The following LCN15 variants were observed in gnomAD, a reference collection of about 807,000 sequenced individuals.
LCN15 encodes lipocalin-15.
LCN15 carries 26 observed loss-of-function variants against 23.1 expected under a neutral mutation model. That is an observed-to-expected ratio of 1.13 (90% CI 0.82 to 1.56). The LOEUF is 1.56. Among genes scored for constraint, LCN15 ranks in the 40% most tolerant of loss-of-function variants. The pLI is 0.00. For missense variants in LCN15, 241 were observed against 239.5 expected (o/e 1.01, Z -0.04); for synonymous variants, 107 against 98.3 (o/e 1.09, Z -0.52).
Position 136,761,874 on chromosome 9 carries a change from G to C in LCN15, c.521-21C>G. On this transcript the variant is annotated intron_variant, in intron 5 of 6. Transcript: ENST00000316144. This position sits in a 1 kb window ranked among gnomAD's most constrained non-coding sequence, Gnocchi z 4.2. ...TGCATCTGTGGGGAGGAAGACATCCGTGAGATGCTGACGGCCAGGACCGCC... is the reference window on the plus strand; with the variant it reads ...TGCATCTGTGGGGAGGAAGACATCCCTGAGATGCTGACGGCCAGGACCGCC... 7.5e-7 allele frequency: 1 copy of C among 1,335,900 alleles called. No individual in the cohort carries two copies. The allele number at this position is 1,335,900 out of a possible 1,614,324, so 82.8% of individuals were successfully genotyped here. A position where few individuals can be genotyped will look rare whatever the true frequency, so the allele number is the denominator to read the frequency against.
rs1847320205 is a variant in LCN15, at chr9:136,761,799, G to A, written c.*20C>T. On this transcript the variant is annotated 3_prime_UTR_variant, in exon 6 of 7. Coordinates refer to ENST00000316144, the MANE Select transcript of LCN15 (RefSeq NM_203347.2). This position sits in a 1 kb window ranked among gnomAD's most constrained non-coding sequence, Gnocchi z 4.2. ...CTGGAGAACCCACCTGGGAAGGGCG[G>A]GGGTGGGGCTCCGGAGGTGTCAGGG... 5 of 1,281,768 alleles carry A rather than the reference G, an allele frequency of 3.9e-6. No homozygotes were observed. The highest frequency in any genetic ancestry group is 4.9e-6 in the Non-Finnish European group (5 of 1,013,356). 79.4% of individuals were successfully genotyped at this position (1,281,768 alleles called of 1,614,324 possible). A position where few individuals can be genotyped will look rare whatever the true frequency, so the allele number is the denominator to read the frequency against.
chr9:136,763,422 G>C lies in LCN15; in HGVS notation c.353C>G (p.Ser118Cys), dbSNP rs11145871. 909 of 1,610,138 alleles carry C rather than the reference G, an allele frequency of 5.6e-4. 8 individuals are homozygous for C. In the African/African-American group the frequency reaches 0.011, roughly 19 times the overall value. Residue 118 changes from serine (S) to cysteine (C), a missense_variant, in exon 4 of 7, where the codon TCC becomes TGC. Physicochemically the swap from Ser to Cys is moderately radical, Grantham distance 112. Transcript: ENST00000316144. ...CTTGTAGATGTAAAGGACGGCGAAGGAGCTGTAGTCTGTGTCCACGATGCG... is the reference window on the plus strand; with the variant it reads ...CTTGTAGATGTAAAGGACGGCGAAGCAGCTGTAGTCTGTGTCCACGATGCG... ...DVRIVDTDYS[S>C]FAVLYIYKEL...
Position 136,764,416 on chromosome 9 carries a change from G to A in LCN15, c.73C>T (p.Gln25Ter). Residue 25 changes from glutamine to a stop codon, truncating the protein, a stop_gained, in exon 1 of 7, where the codon CAG becomes TAG. Coordinates refer to ENST00000316144, the MANE Select transcript of LCN15 (RefSeq NM_203347.2). LOFTEE classifies it high-confidence loss of function. ...APTAQAEVLL[Q>*]PDFNAEKFSG... ...ACCTTTTCAGCATTGAAGTCAGGCT[G>A]CAGCAGAACCTCAGCCTGAGCCGTG... 1 of 1,613,324 alleles carries A rather than the reference G, an allele frequency of 6.2e-7. No individual in the cohort carries two copies. The highest frequency in any genetic ancestry group is 8.5e-7 in the Non-Finnish European group (1 of 1,179,740).
chr9:136,759,937 ACACCAGCTAC>A (rs1488674388), intron 6 of LCN15, among the ~76,000 whole-genome samples, 154 bp from the exon 7 acceptor site: 3 of 120,486 alleles, frequency 2.5e-5, no homozygotes. Context: ...CTGGAAACAC[ACACCAGCTAC>A]CACTGCTGCC....
Position 136,763,993 on chromosome 9 carries a change from T to C in LCN15, c.113A>G (p.Tyr38Cys). 6.2e-7 allele frequency: 1 copy of C among 1,613,194 alleles called. No homozygotes were observed. Among genetic ancestry groups the C allele is most frequent in the Non-Finnish European group, 8.5e-7 (1 of 1,179,932 alleles). The change falls in exon 2 of 7, where the codon TAC becomes TGC. Residue 38 changes from tyrosine to cysteine, a missense_variant. Physicochemically the swap from Tyr to Cys is radical, Grantham distance 194. Coordinates refer to ENST00000316144, the MANE Select transcript of LCN15 (RefSeq NM_203347.2). ...FNAEKFSGLWYVVSMASDCRV... is the reference protein window; with the variant it reads ...FNAEKFSGLWCVVSMASDCRV... Reference sequence around the variant, plus strand: ...GCAGTCAGATGCCATGGAGACCACGTACCAGAGGCCTGAGAACTGCCGGGG... The same window carrying C: ...GCAGTCAGATGCCATGGAGACCACGCACCAGAGGCCTGAGAACTGCCGGGG...
chr9:136,764,176 A>C, intron 1 of LCN15, 167 bp from the exon 2 acceptor site: 1 of 871,204 alleles, frequency 1.1e-6, no homozygotes, highest in Non-Finnish European at 1.8e-6. Flanking sequence ...TGGGTAGGTC[A>C]CAGTGCAACT....
In LCN15 at chr9:136,764,014, C is replaced by A; in HGVS notation, c.97-5G>T. Reference sequence around the variant, plus strand: ...CACGTACCAGAGGCCTGAGAACTGCCGGGGGCTTAGTCACCCGCAGGCCAG... The same window carrying A: ...CACGTACCAGAGGCCTGAGAACTGCAGGGGGCTTAGTCACCCGCAGGCCAG... On this transcript the variant is annotated splice_polypyrimidine_tract_variant and splice_region_variant and intron_variant, in intron 1 of 6. Coordinates refer to ENST00000316144, the MANE Select transcript of LCN15 (RefSeq NM_203347.2). The A allele has an allele frequency of 6.2e-7, 1 of 1,612,014 alleles. No individual in the cohort carries two copies. The highest frequency in any genetic ancestry group is 8.5e-7 in the Non-Finnish European group (1 of 1,179,452).
In LCN15 at chr9:136,763,796, A is replaced by T; in HGVS notation, c.237-13T>A. On this transcript the variant is annotated splice_polypyrimidine_tract_variant and intron_variant, in intron 2 of 6. Coordinates refer to ENST00000316144, the MANE Select transcript of LCN15 (RefSeq NM_203347.2). Reference sequence around the variant, plus strand: ...ACAGCCGTCCGCCCTGGGGGTGCACAGCCGGCTCACTCATGGCACCCAGCT... The same window carrying T: ...ACAGCCGTCCGCCCTGGGGGTGCACTGCCGGCTCACTCATGGCACCCAGCT... The T allele has an allele frequency of 6.2e-7, 1 of 1,613,404 alleles. No individual in the cohort carries two copies. Among genetic ancestry groups the T allele is most frequent in the Non-Finnish European group, 8.5e-7 (1 of 1,179,968 alleles).
At position 136,761,723 on chromosome 9, in the gene LCN15, G is replaced by T; in HGVS notation, c.*32+64C>A. On this transcript the variant is annotated intron_variant, in intron 6 of 6. Coordinates refer to ENST00000316144, the MANE Select transcript of LCN15 (RefSeq NM_203347.2). The surrounding 1 kb of genome is among the most constrained non-coding windows in gnomAD (Gnocchi z 4.2). Reference sequence around the variant, plus strand: ...AGGCATGGGGCAGACAGAACCAGATGTCAAGCTGCGATAGGGAGGGGAGAG... The same window carrying T: ...AGGCATGGGGCAGACAGAACCAGATTTCAAGCTGCGATAGGGAGGGGAGAG... The T allele has an allele frequency of 1.3e-6, 1 of 772,344 alleles. No homozygotes were observed. Among genetic ancestry groups the T allele is most frequent in the Non-Finnish European group, 1.8e-6 (1 of 563,284 alleles). The allele number at this position is 772,344 out of a possible 1,614,324, so 47.8% of individuals were successfully genotyped here.
At position 136,761,996 on chromosome 9, in the gene LCN15, G is replaced by C; in HGVS notation, c.521-143C>G. 2.5e-6 allele frequency: 2 copies of C among 800,098 alleles called. No individual in the cohort carries two copies. The highest frequency in any genetic ancestry group is 4.5e-5 in the South Asian group (2 of 44,936). 49.6% of individuals were successfully genotyped at this position (800,098 alleles called of 1,614,324 possible). On this transcript the variant is annotated intron_variant, in intron 5 of 6. Transcript: ENST00000316144. The surrounding 1 kb of genome is among the most constrained non-coding windows in gnomAD (Gnocchi z 4.2). ...AGCCCAGAGCTTCCCTCCCAGCGCT[G>C]CCCAAAGCCTCTCCCGTAGTCTGTT...
In LCN15 at chr9:136,764,471, G is replaced by T; in HGVS notation, c.18C>A (p.Leu6=). The T allele has an allele frequency of 6.2e-7, 1 of 1,612,768 alleles. No homozygotes were observed. Among genetic ancestry groups the T allele is most frequent in the Non-Finnish European group, 8.5e-7 (1 of 1,179,634 alleles). The change falls in exon 1 of 7, where the codon CTC becomes CTA. Residue 6 remains leucine, a synonymous_variant. Transcript: ENST00000316144. ...CCCAGAGCAGGGTCAGGATTGCGCC[G>T]AGCAGGAATGACATCATCCCCTCCC... MMSFL[L]GAILTLLWAP...
intron 4 of LCN15, 34 bp downstream of exon 4, chr9:136,763,323 G>T: frequency 8.1e-7 from 1 of 1,230,844 alleles, no homozygotes. Flanking sequence ...AAGTTGGGGA[G>T]GGGCCAGTGC....
chr9:136,764,282 T>C, intron 1 of LCN15, 111 bp downstream of exon 1: 1 of 1,111,344 alleles, frequency 9.0e-7, no homozygotes, highest in Non-Finnish European at 1.3e-6. Context: ...AGCACGTGCC[T>C]GGCCGGGCAC....
chr9:136,764,382 G>GC lies in LCN15; in HGVS notation c.96+10dup, dbSNP rs758623051. 1.2e-5 allele frequency: 19 copies of GC among 1,610,432 alleles called. No homozygotes were observed. In the South Asian group the frequency reaches 1.9e-4, roughly 16 times the overall value. The stretch of plus-strand genomic sequence containing the variant: ...TCCCACCCACCACAGGACAGCAGAG[G>GC]CCCCTGGTACCTTTTCAGCATTGAA... On this transcript the variant is annotated intron_variant, in intron 1 of 6. Coordinates refer to ENST00000316144, the MANE Select transcript of LCN15 (RefSeq NM_203347.2).
chr9:136,762,745 CA>C (rs1314574838), intron 4 of LCN15, among the ~76,000 whole-genome samples: 1 of 151,972 alleles, frequency 6.6e-6, no homozygotes, highest in South Asian at 2.1e-4. Context: ...ACTAAAAATA[CA>C]AAAAATTATT....
intron 1 of LCN15, 49 bp downstream of exon 1, chr9:136,764,344 G>T (rs1847355911): frequency 1.3e-6 from 2 of 1,533,256 alleles, no homozygotes; most frequent in Non-Finnish European, 1.8e-6. Flanking sequence ...GTTGTCTCTG[G>T]CAGGGGCCCA....
At position 136,762,235 on chromosome 9, in the gene LCN15, G is replaced by T; in HGVS notation, c.473C>A (p.Pro158Gln). Reference protein sequence around the residue: ...QALKSFQDFYPTLGLPKDMMV... With the variant: ...QALKSFQDFYQTLGLPKDMMV... ...CATGTCCTTGGGGAGCCCCAGGGTCGGGTAGAAGTCCTGGAAGGACTTCAG... is the reference window on the plus strand; with the variant it reads ...CATGTCCTTGGGGAGCCCCAGGGTCTGGTAGAAGTCCTGGAAGGACTTCAG... The change falls in exon 5 of 7, where the codon CCG becomes CAG. Residue 158 changes from proline to glutamine, a missense_variant. Physicochemically the swap from Pro to Gln is moderately conservative, Grantham distance 76. Coordinates refer to ENST00000316144, the MANE Select transcript of LCN15 (RefSeq NM_203347.2). 3 of 1,601,452 alleles carry T rather than the reference G, an allele frequency of 1.9e-6. No homozygotes were observed. Among genetic ancestry groups the T allele is most frequent in the Non-Finnish European group, 2.6e-6 (3 of 1,174,600 alleles).
chr9:136,763,635 C>T (rs991445954), intron 3 of LCN15, 78 bp downstream of exon 3: 33 of 1,516,448 alleles, frequency 2.2e-5, no homozygotes, highest in African/African-American at 2.7e-5. Flanking sequence ...AGCTTGGGCC[C>T]GGGTGGAAAG....
Position 136,761,935 on chromosome 9 carries a change from G to T in LCN15, c.521-82C>A. 1 of 1,143,192 alleles carries T rather than the reference G, an allele frequency of 8.7e-7. No homozygotes were observed. The highest frequency in any genetic ancestry group is 1.1e-6 in the Non-Finnish European group (1 of 870,166). 70.8% of individuals were successfully genotyped at this position (1,143,192 alleles called of 1,614,324 possible). ...GCAGCCCCCAACCCCTGGGTGCCAA[G>T]GGCCACTGGACAGCTCCACCATCCC... On this transcript the variant is annotated intron_variant, in intron 5 of 6. Transcript: ENST00000316144. The surrounding 1 kb of genome is among the most constrained non-coding windows in gnomAD (Gnocchi z 4.2).
Sources: allele counts gnomAD v4.1 joint callset (sites outside exome capture counted in the v4.1 genomes callset), GRCh38; gene constraint gnomAD v4.1.1; non-coding constraint Gnocchi (gnomAD v3.1); transcripts MANE v1.5; gene names NCBI Gene and HGNC (gene_info 2026-07-23, HGNC 2026-07-21).